LIPE: variants seen among roughly 807,000 people sequenced by gnomAD.
LIPE encodes hormone-sensitive lipase.
LIPE carries 66 observed loss-of-function variants against 88.5 expected under a neutral mutation model. The ratio of observed to expected loss-of-function variants is 0.75; its 90% CI spans 0.61 to 0.91. The LOEUF is 0.91. LIPE is among the 40% of genes least tolerant of loss of function. The pLI, the probability that LIPE is intolerant of heterozygous loss-of-function variation, is 0.00. For missense variants in LIPE, 1,346 were observed against 1,434.7 expected, an observed-to-expected ratio of 0.94 and a Z score of 1.00; for synonymous variants, 570 against 617.5, an observed-to-expected ratio of 0.92 and a Z score of 1.14.
In LIPE at chr19:42,401,942, C is replaced by A; in HGVS notation, c.3101G>T (p.Arg1034Leu). The part of the protein sequence containing the change: ...HGFLTLAALC[R>L]ETRQAAELCV... ...CAGCTCTGCGGCCTGGCGCGTCTCG[C>A]GGCACAGCGCCGCTAGGGTCAGGAA... The change falls in exon 10 of 10, where the codon CGC (arginine) becomes CTC (leucine). Residue 1034 changes from arginine to leucine, a missense_variant. By Grantham distance (102) the Arg-to-Leu change is moderately radical (BLOSUM62 -2). Coordinates refer to ENST00000244289, the MANE Select transcript of LIPE (RefSeq NM_005357.4). 6.4e-7 allele frequency: 1 copy of A among 1,555,946 alleles called. No individual in the cohort carries two copies. The highest frequency in any genetic ancestry group is 8.7e-7 in the Non-Finnish European group (1 of 1,155,042).
At chr19:42,405,824 G>A (rs975138478) in intron 7 of LIPE, 11 of 549,824 alleles carry the variant, frequency 2.0e-5, no homozygotes, top group Non-Finnish European at 3.6e-5. Flanking sequence ...CGTGGTAGTG[G>A]TGGTGCACGC....
chr19:42,410,772 G>C lies in LIPE; in HGVS notation c.954C>G (p.Asn318Lys). 1 of 1,609,588 alleles carries C rather than the reference G, an allele frequency of 6.2e-7. No homozygotes were observed. Among genetic ancestry groups the C allele is most frequent in the Non-Finnish European group, 8.5e-7 (1 of 1,177,374 alleles). ...TQSLVTLAED[N>K]IAFFSSQGPG... is the part of the protein sequence containing the mutation. ...GACCCTGGCTCGAGAAGAAGGCTAT[G>C]TTGTCCTCCGCCAGAGTCACCAGCG... Residue 318 changes from asparagine (N) to lysine (K), a missense_variant, in exon 2 of 10, where the codon AAC becomes AAG. Coordinates refer to ENST00000244289, the MANE Select transcript of LIPE (RefSeq NM_005357.4). The surrounding 1 kb of genome is among the most constrained non-coding windows in gnomAD (Gnocchi z 6.1).
Position 42,407,671 on chromosome 19 carries a change from G to A in LIPE, c.1777C>T (p.Leu593=), listed in dbSNP as rs374094321. Residue 593 remains leucine (L), a synonymous_variant, in exon 5 of 10, where the codon CTG becomes TTG. Transcript: ENST00000244289. This position sits in a 1 kb window ranked among gnomAD's most constrained non-coding sequence, Gnocchi z 5.8. ...PTLTVTISPP[L]AHTGPGPVLV... is the part of the protein sequence containing the mutation. ...ACGGGCCCAGGGCCTGTGTGGGCCA[G>A]TGGGGGTGAGATGGTGACCGTGAGC... 1.2e-6 allele frequency: 2 copies of A among 1,608,382 alleles called. No individual in the cohort carries two copies. The highest frequency in any genetic ancestry group is 1.3e-5 in the African/African-American group (1 of 74,688).
rs549248184 is a variant in LIPE, at chr19:42,403,046, G to A, written c.2543-15C>T. The A allele has an allele frequency of 2.9e-5, 44 of 1,531,918 alleles. No homozygotes were observed. The South Asian group carries it at 4.5e-4, about 16-fold the overall frequency. The allele number at this position is 1,531,918 out of a possible 1,614,324, so 94.9% of individuals were successfully genotyped here. On this transcript the variant is annotated splice_polypyrimidine_tract_variant and intron_variant, in intron 8 of 9. Coordinates refer to ENST00000244289, the MANE Select transcript of LIPE (RefSeq NM_005357.4). ...GCGCATCGGCTCTGAGAGAGGGAGA[G>A]CAGATAGGCCTGGCTCCGTTAGTTT...
chr19:42,426,742 T>TA lies in LIPE; in HGVS notation c.407dup (p.Ala137SerfsTer18), dbSNP rs1167954079. ...CTCCTGGCCCAGGCCCTGGCTGGGC[T>TA]ACATGTCTTTGTCTCAATGCTGGCT... On this transcript the variant is annotated frameshift_variant, in exon 1 of 10. Coordinates refer to ENST00000244289, the MANE Select transcript of LIPE (RefSeq NM_005357.4). LOFTEE classifies it high-confidence loss of function. 1.9e-6 allele frequency: 3 copies of TA among 1,614,110 alleles called. No individual in the cohort carries two copies. The Admixed American group carries it at 5.0e-5, about 27-fold the overall frequency.
chr19:42,416,711 G>A (rs552766178), intron 1 of LIPE, among the ~76,000 whole-genome samples: 1 of 152,338 alleles, frequency 6.6e-6, no homozygotes, highest in African/African-American at 2.4e-5. Context: ...CAGCACGTCT[G>A]TTTACAGCAT....
chr19:42,406,481 T>C lies in LIPE; in HGVS notation c.2138-93A>G, dbSNP rs1428916858. 1 of 1,098,208 alleles carries C rather than the reference T, an allele frequency of 9.1e-7. No homozygotes were observed. The highest frequency in any genetic ancestry group is 1.4e-6 in the Non-Finnish European group (1 of 739,444). The allele number at this position is 1,098,208 out of a possible 1,614,324, so 68.0% of individuals were successfully genotyped here. On this transcript the variant is annotated intron_variant, in intron 6 of 9. Transcript: ENST00000244289. The surrounding 1 kb of genome is among the most constrained non-coding windows in gnomAD (Gnocchi z 5.7). ...GGAACTCAAGCTGGGAGAACTGGGCTCTCCAAGGTGGGGTGTGGGGCACTC... is the reference window on the plus strand; with the variant it reads ...GGAACTCAAGCTGGGAGAACTGGGCCCTCCAAGGTGGGGTGTGGGGCACTC...
intron 8 of LIPE, among the ~76,000 whole-genome samples, chr19:42,404,223 C>T (rs2040094425): frequency 6.6e-6 from 1 of 151,318 alleles, no homozygotes; most frequent in Non-Finnish European, 1.5e-5. Flanking sequence ...CCACCATGTC[C>T]AGCTACTTTT....
chr19:42,412,823 G>T (rs558263876), intron 1 of LIPE, among the ~76,000 whole-genome samples: 3 of 152,202 alleles, frequency 2.0e-5, no homozygotes, highest in Admixed American at 2.0e-4. Context: ...CCGCCTCCTA[G>T]TCTGGCCCTG....
In LIPE at chr19:42,402,673, G is replaced by T; in HGVS notation, c.2901C>A (p.Asn967Lys). 1 of 1,509,544 alleles carries T rather than the reference G, an allele frequency of 6.6e-7. No individual in the cohort carries two copies. The highest frequency in any genetic ancestry group is 8.9e-7 in the Non-Finnish European group (1 of 1,127,166). The allele number at this position is 1,509,544 out of a possible 1,614,324, so 93.5% of individuals were successfully genotyped here. The stretch of plus-strand genomic sequence containing the variant: ...GTGCCAGCAGCGGCGACATGAAGGG[G>T]TTCTTGACTATGGGTGAGGAGTAGA... The part of the protein sequence containing the change: ...MPLYSSPIVK[N>K]PFMSPLLAPD... Residue 967 changes from asparagine (N) to lysine (K), a missense_variant, in exon 9 of 10, where the codon AAC (asparagine) becomes AAA (lysine). Coordinates refer to ENST00000244289, the MANE Select transcript of LIPE (RefSeq NM_005357.4).
intron 8 of LIPE, 37 bp downstream of exon 8, chr19:42,405,348 A>T: frequency 6.2e-7 from 1 of 1,603,224 alleles, no homozygotes; most frequent in Non-Finnish European, 8.5e-7. Context: ...CCTCCTGCCC[A>T]CCCTGGCTGG....
intron 8 of LIPE, among the ~76,000 whole-genome samples, chr19:42,403,995 A>C (rs1446373645): frequency 6.6e-6 from 1 of 151,968 alleles, no homozygotes; most frequent in Non-Finnish European, 1.5e-5. Context: ...GCTTGGCCTC[A>C]GCTCTGTTCA....
intron 1 of LIPE, among the ~76,000 whole-genome samples, chr19:42,425,407 A>G (rs1006159885): frequency 5.9e-5 from 9 of 152,276 alleles, no homozygotes; most frequent in African/African-American, 2.2e-4. Context: ...AGCCTGGTCC[A>G]GGGGAGAAAG....
chr19:42,405,753 T>C (rs2040150608), intron 7 of LIPE, 192 bp from the exon 8 acceptor site: 2 of 604,418 alleles, frequency 3.3e-6, no homozygotes, highest in Non-Finnish European at 5.7e-6. Context: ...GAGGATGGCT[T>C]GAGCCCAGGA....
rs979973174 is a variant in LIPE at position 42,410,296 on chromosome 19, A to G, written c.1419+11T>C. On this transcript the variant is annotated intron_variant, in intron 2 of 9. Coordinates refer to ENST00000244289, the MANE Select transcript of LIPE (RefSeq NM_005357.4). The surrounding 1 kb of genome is among the most constrained non-coding windows in gnomAD (Gnocchi z 6.1). ...TTGTGGGCCCAGAGGGGCACGGGGCAGGGGGCTCACCTGGAAGCCCAGGCA... is the reference window on the plus strand; with the variant it reads ...TTGTGGGCCCAGAGGGGCACGGGGCGGGGGGCTCACCTGGAAGCCCAGGCA... 6.4e-6 allele frequency: 10 copies of G among 1,555,714 alleles called. No homozygotes were observed. Among genetic ancestry groups the G allele is most frequent in the Non-Finnish European group, 8.7e-6 (10 of 1,148,878 alleles).
chr19:42,404,606 C>T (rs113255798), intron 8 of LIPE, among the ~76,000 whole-genome samples: 5,079 of 152,058 alleles, frequency 0.033, 253 homozygotes, highest in African/African-American at 0.11. Flanking sequence ...TCAAGTGATC[C>T]GCCTGCCTTG....
chr19:42,427,206 AC>A lies in LIPE; in HGVS notation c.-58del. The A allele has an allele frequency of 6.6e-7, 1 of 1,513,852 alleles. No individual in the cohort carries two copies. The allele number at this position is 1,513,852 out of a possible 1,614,324, so 93.8% of individuals were successfully genotyped here. A position where few individuals can be genotyped will look rare whatever the true frequency, so the allele number is the denominator to read the frequency against. On this transcript the variant is annotated 5_prime_UTR_variant, in exon 1 of 10. Coordinates refer to ENST00000244289, the MANE Select transcript of LIPE (RefSeq NM_005357.4). ...CCAGGTTCTATCCTTCTGGGCTCCC[AC>A]CCAGCCCTCTCTCTTCACAGATCTC...
At chr19:42,424,231 C>A in intron 1 of LIPE, 1 of 721,660 alleles carries the variant, frequency 1.4e-6, no homozygotes, top group Non-Finnish European at 2.1e-6. Context: ...GGAGAACGCT[C>A]GGCGCCTGCG....
Position 42,426,569 on chromosome 19 carries a change from G to C in LIPE, c.581C>G (p.Ala194Gly), listed in dbSNP as rs34996020. 8 of 1,614,166 alleles carry C rather than the reference G, an allele frequency of 5.0e-6. No individual in the cohort carries two copies. Residue 194 changes from alanine (A) to glycine (G), a missense_variant, in exon 1 of 10, where the codon GCC becomes GGC. By Grantham distance (60) the Ala-to-Gly change is moderately conservative. Transcript: ENST00000244289. ...TGTCAAAGATCCCTGCTTGGATTTGGCTCCCTGGACTGGCGTTGTTTGCTT... is the reference window on the plus strand; with the variant it reads ...TGTCAAAGATCCCTGCTTGGATTTGCCTCCCTGGACTGGCGTTGTTTGCTT... Reference protein sequence around the residue: ...SDKQTTPVQGAKSKQGSLTEL... With the variant: ...SDKQTTPVQGGKSKQGSLTEL...
Sources: allele counts gnomAD v4.1 joint callset (sites outside exome capture counted in the v4.1 genomes callset), GRCh38; gene constraint gnomAD v4.1.1; non-coding constraint Gnocchi (gnomAD v3.1); transcripts MANE v1.5; gene names NCBI Gene and HGNC (gene_info 2026-07-23, HGNC 2026-07-21).